The following PTK2 variants were observed in gnomAD, a reference collection of about 807,000 sequenced individuals.
PTK2 encodes the protein focal adhesion kinase 1.
A neutral mutation model predicts 150.1 loss-of-function variants in PTK2; 45 were observed. That is an observed-to-expected ratio of 0.30 (90% confidence interval 0.24 to 0.38). The LOEUF (loss-of-function observed/expected upper bound fraction) is 0.38. Among genes scored for constraint, PTK2 ranks in the 10% least tolerant of loss-of-function variants. The probability of loss-of-function intolerance (pLI) is 1.00; values close to 1 mark genes in which losing one functional copy is unlikely to be tolerated. For synonymous variants in PTK2, 432 were observed against 449.2 expected (o/e 0.96, Z 0.48); for missense variants, 919 against 1,307.3 (o/e 0.70, Z 4.58).
chr8:140,813,105 A>T (rs1396619708), intron 10 of PTK2, among the ~76,000 whole-genome samples: 2 of 152,192 alleles, frequency 1.3e-5, no homozygotes, highest in Non-Finnish European at 2.9e-5. Context: ...TACGGCACAT[A>T]CTCTAAAATC....
intron 2 of PTK2, among the ~76,000 whole-genome samples, chr8:140,915,822 A>G (rs2100165019): frequency 6.6e-6 from 1 of 152,150 alleles, no homozygotes; most frequent in Admixed American, 6.5e-5. Flanking sequence ...GAATCACTTG[A>G]ACCTGGGAGG....
chr8:140,994,231 G>A (rs2100196781), intron 1 of PTK2, among the ~76,000 whole-genome samples: 1 of 152,214 alleles, frequency 6.6e-6, no homozygotes, highest in African/African-American at 2.4e-5. Flanking sequence ...CAACTGCTAA[G>A]GGGGAGGACA....
intron 30 of PTK2, among the ~76,000 whole-genome samples, chr8:140,666,881 G>C (rs1261944280): frequency 6.6e-6 from 1 of 152,154 alleles, no homozygotes; most frequent in Non-Finnish European, 1.5e-5. Context: ...ACCCTGTGAT[G>C]GTTCAGTAAA....
At chr8:140,778,680 G>C (rs2100079832) in intron 14 of PTK2, among the ~76,000 whole-genome samples, 1 of 152,218 alleles carries the variant, frequency 6.6e-6, no homozygotes, top group South Asian at 2.1e-4. Flanking sequence ...GGCCAAGTGA[G>C]TTAAAACCAA....
intron 16 of PTK2, 59 bp from the exon 20 acceptor site, chr8:140,752,375 G>C: frequency 6.7e-7 from 1 of 1,491,494 alleles, no homozygotes; most frequent in South Asian, 1.1e-5. Context: ...TATATTAATT[G>C]ATTCATGAAA....
At chr8:140,850,236 G>C (rs985834157) in intron 5 of PTK2, among the ~76,000 whole-genome samples, 3 of 152,042 alleles carry the variant, frequency 2.0e-5, no homozygotes, top group African/African-American at 7.2e-5. Context: ...GACCAGCCTG[G>C]CCAACATGGT....
intron 4 of PTK2, among the ~76,000 whole-genome samples, chr8:140,872,612 T>A (rs531827259): frequency 4.1e-4 from 63 of 152,320 alleles, no homozygotes; most frequent in Non-Finnish European, 8.1e-4. Flanking sequence ...AAACTCAGCC[T>A]CAGACCCTAA....
intron 16 of PTK2, among the ~76,000 whole-genome samples, chr8:140,756,786 G>A (rs969837866): frequency 2.0e-5 from 3 of 150,472 alleles, no homozygotes; most frequent in African/African-American, 7.3e-5. Context: ...TCAGGAGATC[G>A]ACACCATCCT....
intron 15 of PTK2, among the ~76,000 whole-genome samples, chr8:140,761,674 T>TA (rs2100069506): frequency 6.6e-6 from 1 of 152,158 alleles, no homozygotes; most frequent in African/African-American, 2.4e-5. Flanking sequence ...ATTTTACAAA[T>TA]AACTACAGTT....
chr8:140,705,560 G>A (rs898857278), intron 24 of PTK2, among the ~76,000 whole-genome samples: 8 of 152,168 alleles, frequency 5.3e-5, no homozygotes, highest in African/African-American at 1.7e-4. Context: ...ACTGGGGTAT[G>A]CACCTCTCGG....
At chr8:140,822,727 G>C (rs896502049) in intron 8 of PTK2, among the ~76,000 whole-genome samples, 2 of 152,190 alleles carry the variant, frequency 1.3e-5, no homozygotes, top group African/African-American at 2.4e-5. Context: ...CCACGTTGGT[G>C]ATAAGGGAGC....
intron 2 of PTK2, among the ~76,000 whole-genome samples, chr8:140,915,495 T>C (rs1272715000): frequency 2.0e-5 from 3 of 152,096 alleles, no homozygotes; most frequent in Non-Finnish European, 2.9e-5. Context: ...CCAGGACACT[T>C]AGGAGGCTGG....
intron 19 of PTK2, among the ~76,000 whole-genome samples, chr8:140,743,726 T>G (rs1379154562): frequency 6.6e-6 from 1 of 152,020 alleles, no homozygotes; most frequent in Non-Finnish European, 1.5e-5. Flanking sequence ...TCTGAAAACT[T>G]GTAAATGATT....
chr8:140,843,274 C>G (rs1034944345), intron 7 of PTK2, among the ~76,000 whole-genome samples: 2 of 152,122 alleles, frequency 1.3e-5, no homozygotes, highest in African/African-American at 4.8e-5. Context: ...CTTTCTTTAA[C>G]TGTTTTGGCT....
intron 31 of PTK2, chr8:140,663,102 G>A (rs1028154841): frequency 4.6e-6 from 1 of 215,486 alleles, no homozygotes. Flanking sequence ...GTTCCAGAAT[G>A]TGGTGATTGT....
intron 1 of PTK2, among the ~76,000 whole-genome samples, chr8:140,985,076 T>C (rs1448603319): frequency 6.6e-6 from 1 of 152,210 alleles, no homozygotes; most frequent in African/African-American, 2.4e-5. Flanking sequence ...TAGGAAATAC[T>C]GTGCAAATGG....
rs1467165481 is a variant in PTK2 at position 140,704,793 on chromosome 8, G to A, written c.2229+1326C>T. Reference sequence around the variant, plus strand: ...TCAGGGTTTTGGCTTCTTCACTTATGGAAATGGTAGTAATCCAAACTGACA... The same window carrying A: ...TCAGGGTTTTGGCTTCTTCACTTATAGAAATGGTAGTAATCCAAACTGACA... On this transcript the variant is annotated intron_variant, in intron 24 of 31. Transcript: ENST00000522684. Among the ~76,000 whole-genome samples, 4 of 152,038 alleles carry A rather than the reference G, an allele frequency of 2.6e-5. No homozygotes were observed. The South Asian group carries it at 8.3e-4, about 32-fold the overall frequency.
At chr8:140,795,483 A>C (rs1372620558) in intron 12 of PTK2, among the ~76,000 whole-genome samples, 1 of 152,190 alleles carries the variant, frequency 6.6e-6, no homozygotes, top group African/African-American at 2.4e-5. Flanking sequence ...CGACTCTCTC[A>C]GTGGGACCTT....
At chr8:140,664,163 T>C (rs2085780727) in intron 31 of PTK2, among the ~76,000 whole-genome samples, 1 of 152,150 alleles carries the variant, frequency 6.6e-6, no homozygotes, top group Admixed American at 6.5e-5. Flanking sequence ...TTTGTATTTT[T>C]AGTAGAGATG....
Sources: allele counts gnomAD v4.1 joint callset (sites outside exome capture counted in the v4.1 genomes callset), GRCh38; gene constraint gnomAD v4.1.1; transcripts MANE v1.5; gene names NCBI Gene and HGNC (gene_info 2026-07-23, HGNC 2026-07-21).